Variants in EPHA5 observed in about 807,000 individuals in gnomAD.
EPHA5 encodes the protein ephrin type-A receptor 5.
EPHA5 carries 60 observed loss-of-function variants against 105.0 expected under a neutral mutation model. The observed-to-expected ratio is 0.57, with a 90% confidence interval of 0.46 to 0.71. The LOEUF (loss-of-function observed/expected upper bound fraction) is 0.71. Ranked by LOEUF, EPHA5 falls within the 30% of genes least tolerant of loss-of-function variation. The probability of loss-of-function intolerance (pLI) is 0.00; values close to 1 mark genes in which losing one functional copy is unlikely to be tolerated. For synonymous variants in EPHA5, 513 were observed against 449.1 expected, an observed-to-expected ratio of 1.14 and a Z score of -1.80; for missense variants, 1,218 against 1,274.7, an observed-to-expected ratio of 0.96 and a Z score of 0.68.
intron 7 of EPHA5, among the ~76,000 whole-genome samples, chr4:65,409,621 G>A (rs954292772): frequency 1.3e-5 from 2 of 152,102 alleles, no homozygotes; most frequent in African/African-American, 4.8e-5. Context: ...ATAATTGCAA[G>A]AGCCAGATTA....
At chr4:65,573,174 G>C (rs1184989026) in intron 3 of EPHA5, among the ~76,000 whole-genome samples, 8 of 152,022 alleles carry the variant, frequency 5.3e-5, no homozygotes, top group Admixed American at 3.9e-4. Context: ...CACTTTGGGA[G>C]GCCGAGGCAG....
At chr4:65,394,988 G>A (rs1459965905) in intron 8 of EPHA5, among the ~76,000 whole-genome samples, 1 of 152,120 alleles carries the variant, frequency 6.6e-6, no homozygotes, top group African/African-American at 2.4e-5. Context: ...TGTAGTCAGA[G>A]CTCGTTGATG....
rs150132487 is a variant in EPHA5 at position 65,400,089 on chromosome 4, A to C, written c.1793+4285T>G. 2.5e-4 allele frequency among the ~76,000 whole-genome samples: 38 copies of C among 152,294 alleles called. No homozygotes were observed. In the East Asian group the frequency reaches 7.1e-3, roughly 29 times the overall value. ...AAAAGAGGAAAAAGTAAAGTGAAAA[A>C]CTTTCTCAAACATTTAACTGGAAAA... On this transcript the variant is annotated intron_variant, in intron 8 of 16. Coordinates refer to ENST00000613740, the MANE Select transcript of EPHA5 (RefSeq NM_001281766.3).
rs1410574427 is a variant in EPHA5, at chr4:65,613,611, A to G, written c.247-11307T>C. On this transcript the variant is annotated intron_variant, in intron 2 of 16. Transcript: ENST00000613740. ...TTTAGCCACTTAGTTAAATATATTA[A>G]GAATTCCAGTGCTTCTCTATTTGAG... Among the ~76,000 whole-genome samples the G allele has an allele frequency of 2.0e-5, 3 of 151,950 alleles. No homozygotes were observed. The East Asian group carries it at 5.8e-4, about 29-fold the overall frequency.
intron 5 of EPHA5, among the ~76,000 whole-genome samples, chr4:65,439,826 C>A (rs1725842921): frequency 6.6e-6 from 1 of 151,980 alleles, no homozygotes; most frequent in Admixed American, 6.6e-5. Flanking sequence ...AAGCCGAATG[C>A]TTAGGGTTTC....
chr4:65,390,889 C>A (rs556261001), intron 8 of EPHA5, among the ~76,000 whole-genome samples: 4 of 151,986 alleles, frequency 2.6e-5, no homozygotes, highest in African/African-American at 9.6e-5. Context: ...TTTTGGTAAG[C>A]AAAATAATTG....
At chr4:65,607,144 T>C (rs1156794997) in intron 2 of EPHA5, among the ~76,000 whole-genome samples, 1 of 152,142 alleles carries the variant, frequency 6.6e-6, no homozygotes, top group Non-Finnish European at 1.5e-5. Context: ...CTAACTTTAC[T>C]GAAGATATCC....
rs73824279 is a variant in EPHA5 at position 65,321,381 on chromosome 4, G to A, written c.*2733C>T. On this transcript the variant is annotated 3_prime_UTR_variant, in exon 17 of 17. Transcript: ENST00000613740. ...GGCCTCACTACATTTTACTAGAGTT[G>A]GCTCCTCTCCTTGTTCCATTTCTCA... 0.012 allele frequency: 2,829 copies of A among 230,290 alleles called. 79 individuals carry two copies. The highest frequency in any genetic ancestry group is 0.058 in the African/African-American group (2,634 of 45,198). 14.3% of individuals were successfully genotyped at this position (230,290 alleles called of 1,614,324 possible).
At chr4:65,495,587 G>A (rs1731850069) in intron 3 of EPHA5, 44 bp from the exon 4 acceptor site, 1 of 1,530,726 alleles carries the variant, frequency 6.5e-7, no homozygotes, top group Non-Finnish European at 8.9e-7. Context: ...TGGAACAGAT[G>A]CAGTGTTTGT....
At chr4:65,649,203 T>C (rs550601617) in intron 1 of EPHA5, among the ~76,000 whole-genome samples, 143 of 152,360 alleles carry the variant, frequency 9.4e-4, no homozygotes, top group South Asian at 1.9e-3. Context: ...AGGCAATTTA[T>C]GTATAAAGCA....
At chr4:65,613,700 G>T (rs1378336511) in intron 2 of EPHA5, among the ~76,000 whole-genome samples, 1 of 151,922 alleles carries the variant, frequency 6.6e-6, no homozygotes, top group African/African-American at 2.4e-5. Context: ...TGTTAAGCTT[G>T]TGTCTGGCCA....
intron 8 of EPHA5, among the ~76,000 whole-genome samples, chr4:65,375,393 TCTTC>T (rs2148915436): frequency 6.6e-6 from 1 of 152,056 alleles, no homozygotes; most frequent in South Asian, 2.1e-4. Flanking sequence ...GATATTGTCA[TCTTC>T]AGTTTACTGG....
Position 65,322,148 on chromosome 4 carries a change from AC to A in EPHA5, c.*1965del. On this transcript the variant is annotated 3_prime_UTR_variant, in exon 17 of 17. Transcript: ENST00000613740. ...TATGTTTGCAGCACAGTTTGTGTGG[AC>A]CCATGGTATATAGCCCTTATTATTA... The A allele has an allele frequency of 4.5e-6, 1 of 224,702 alleles. No homozygotes were observed. The highest frequency in any genetic ancestry group is 8.9e-6 in the Non-Finnish European group (1 of 112,586). 13.9% of individuals were successfully genotyped at this position (224,702 alleles called of 1,614,324 possible).
At chr4:65,470,138 A>ATC (rs1729142253) in intron 5 of EPHA5, among the ~76,000 whole-genome samples, 1 of 151,818 alleles carries the variant, frequency 6.6e-6, no homozygotes, top group South Asian at 2.1e-4. Flanking sequence ...CAGGAACTTC[A>ATC]TCTCATGTGG....
At chr4:65,530,386 G>A (rs767385301) in intron 3 of EPHA5, among the ~76,000 whole-genome samples, 5 of 147,196 alleles carry the variant, frequency 3.4e-5, no homozygotes, top group East Asian at 2.0e-4. Flanking sequence ...CTAAGCTATC[G>A]TATATATGTA....
At chr4:65,438,910 G>T (rs1308400289) in intron 5 of EPHA5, among the ~76,000 whole-genome samples, 1 of 152,020 alleles carries the variant, frequency 6.6e-6, no homozygotes, top group Non-Finnish European at 1.5e-5. Flanking sequence ...GTTCTGAGAA[G>T]GTGAATAAAA....
chr4:65,415,226 C>T (rs2149023822), intron 6 of EPHA5, among the ~76,000 whole-genome samples: 1 of 152,224 alleles, frequency 6.6e-6, no homozygotes, highest in African/African-American at 2.4e-5. Flanking sequence ...ACAGAAATCA[C>T]ATGCTCAAAT....
intron 6 of EPHA5, among the ~76,000 whole-genome samples, chr4:65,418,263 A>T (rs1723583933): frequency 6.6e-6 from 1 of 152,202 alleles, no homozygotes; most frequent in South Asian, 2.1e-4. Flanking sequence ...AGAGTAACAA[A>T]GGTTACAAAA....
intron 3 of EPHA5, among the ~76,000 whole-genome samples, chr4:65,538,860 C>A (rs563222319): frequency 6.6e-6 from 1 of 151,600 alleles, no homozygotes; most frequent in Non-Finnish European, 1.5e-5. Context: ...TGTCTCTGAC[C>A]TAAAGATGGT....
Sources: allele counts gnomAD v4.1 joint callset (sites outside exome capture counted in the v4.1 genomes callset), GRCh38; gene constraint gnomAD v4.1.1; transcripts MANE v1.5; gene names NCBI Gene and HGNC (gene_info 2026-07-23, HGNC 2026-07-21).